ADAMTS6: variants seen among roughly 807,000 people sequenced by gnomAD.
ADAMTS6 encodes the protein A disintegrin and metalloproteinase with thrombospondin motifs 6.
In ADAMTS6, 23 loss-of-function variants were observed where a neutral mutation model predicts 144.3. The ratio of observed to expected loss-of-function variants is 0.16; its 90% CI spans 0.11 to 0.23. ADAMTS6 has a LOEUF of 0.23. Ranked by LOEUF, ADAMTS6 falls within the 10% of genes least tolerant of loss-of-function variation. The pLI is 1.00. For synonymous variants in ADAMTS6, 444 were observed against 457.5 expected, an observed-to-expected ratio of 0.97 and a Z score of 0.38; for missense variants, 999 against 1,379.6, an observed-to-expected ratio of 0.72 and a Z score of 4.37.
At chr5:65,352,092 C>T (rs76368874) in intron 7 of ADAMTS6, among the ~76,000 whole-genome samples, 5,457 of 152,270 alleles carry the variant, frequency 0.036, 164 homozygotes, top group African/African-American at 0.083. Context: ...ATCTGAACAA[C>T]GCTGTTCTAG....
intron 16 of ADAMTS6, among the ~76,000 whole-genome samples, chr5:65,225,284 CA>C (rs1275250152): frequency 6.6e-6 from 1 of 152,164 alleles, no homozygotes; most frequent in African/African-American, 2.4e-5. Context: ...TACATAAACA[CA>C]CACAAATATC....
At chr5:65,467,038 T>TC (rs1760080463) in intron 3 of ADAMTS6, among the ~76,000 whole-genome samples, 1 of 123,430 alleles carries the variant, frequency 8.1e-6, no homozygotes, top group Admixed American at 7.7e-5. Context: ...AGACTCCGTC[T>TC]CAAAAAAAAA....
chr5:65,183,700 C>T (rs190982086), intron 22 of ADAMTS6, among the ~76,000 whole-genome samples: 23 of 152,030 alleles, frequency 1.5e-4, no homozygotes, highest in African/African-American at 5.3e-4. Flanking sequence ...GCCACGGTTA[C>T]GTATGTATAG....
chr5:65,379,805 T>C (rs1238890515), intron 7 of ADAMTS6, among the ~76,000 whole-genome samples: 1 of 152,118 alleles, frequency 6.6e-6, no homozygotes, highest in East Asian at 1.9e-4. Context: ...GAAACAAAAC[T>C]GGGATCACAC....
chr5:65,468,906 C>T (rs1043734980), intron 3 of ADAMTS6, among the ~76,000 whole-genome samples: 9 of 152,184 alleles, frequency 5.9e-5, no homozygotes, highest in Non-Finnish European at 1.0e-4. Context: ...CATTAGATAT[C>T]TTTAACCTTT....
chr5:65,470,160 G>A (rs1259367844), intron 3 of ADAMTS6, among the ~76,000 whole-genome samples: 2 of 152,050 alleles, frequency 1.3e-5, no homozygotes, highest in African/African-American at 4.8e-5. Flanking sequence ...CTAGCCTCAG[G>A]TAATCCTCCC....
intron 7 of ADAMTS6, among the ~76,000 whole-genome samples, chr5:65,352,067 G>A (rs1580466598): frequency 1.3e-5 from 2 of 151,490 alleles, no homozygotes; most frequent in African/African-American, 2.4e-5. Context: ...AAGTAATCTC[G>A]ATGTTCTATG....
chr5:65,449,634 T>C (rs951635760), intron 7 of ADAMTS6, among the ~76,000 whole-genome samples: 26 of 151,488 alleles, frequency 1.7e-4, no homozygotes, highest in Admixed American at 1.4e-3. Flanking sequence ...AATAAATAAA[T>C]AAATAAAATA....
At chr5:65,249,618 G>A (rs1759971940) in intron 14 of ADAMTS6, among the ~76,000 whole-genome samples, 1 of 152,078 alleles carries the variant, frequency 6.6e-6, no homozygotes, top group Admixed American at 6.6e-5. Context: ...TCTGCCTTAT[G>A]CCCCTCAGTT....
chr5:65,265,886 TA>T (rs904726257), intron 12 of ADAMTS6, among the ~76,000 whole-genome samples: 5 of 150,914 alleles, frequency 3.3e-5, no homozygotes, highest in South Asian at 2.1e-4. Context: ...AAATTAGTGG[TA>T]AAAAAAAATC....
intron 7 of ADAMTS6, among the ~76,000 whole-genome samples, chr5:65,420,902 C>T (rs528770965): frequency 4.0e-5 from 6 of 151,860 alleles, no homozygotes; most frequent in African/African-American, 9.7e-5. Context: ...AATCAATAGG[C>T]CATTTAAAGA....
chr5:65,392,430 C>T lies in ADAMTS6; in HGVS notation c.1074-58345G>A, dbSNP rs148430807. On this transcript the variant is annotated intron_variant, in intron 7 of 24. Transcript: ENST00000381055. ...TCTCTATATATTAATACTAGTCAGC[C>T]CTCAGTATTTTACTATAAAGAGGAA... 9.7e-3 allele frequency among the ~76,000 whole-genome samples: 1,474 copies of T among 152,130 alleles called. 9 individuals carry two copies. The highest frequency in any genetic ancestry group is 0.017 in the Middle Eastern group (5 of 294).
At chr5:65,265,201 A>G (rs1403510840) in intron 12 of ADAMTS6, among the ~76,000 whole-genome samples, 1 of 152,088 alleles carries the variant, frequency 6.6e-6, no homozygotes, top group East Asian at 1.9e-4. Context: ...AAGATTATTG[A>G]GTTTTGAGCA....
intron 7 of ADAMTS6, among the ~76,000 whole-genome samples, chr5:65,389,199 A>G (rs6875765): frequency 0.56 from 84,779 of 151,512 alleles, 24,952 homozygotes; most frequent in African/African-American, 0.74. Flanking sequence ...GCGAGACTCC[A>G]TCTCAAAGAA....
At chr5:65,378,283 T>G (rs1580542122) in intron 7 of ADAMTS6, among the ~76,000 whole-genome samples, 2 of 152,326 alleles carry the variant, frequency 1.3e-5, no homozygotes. Context: ...TTCCCTTTCA[T>G]TCTTCTCCCA....
intron 2 of ADAMTS6, among the ~76,000 whole-genome samples, chr5:65,471,636 T>C (rs1310744164): frequency 1.3e-5 from 2 of 152,118 alleles, no homozygotes; most frequent in Admixed American, 6.5e-5. Context: ...CACACGCCTG[T>C]AGTCTCAGCT....
At chr5:65,338,357 C>T (rs561993854) in intron 7 of ADAMTS6, among the ~76,000 whole-genome samples, 38 of 152,258 alleles carry the variant, frequency 2.5e-4, no homozygotes, top group Non-Finnish European at 4.1e-4. Context: ...TGACGTTGGA[C>T]AATTGAGCAA....
rs538874433 is a variant in ADAMTS6 at position 65,336,173 on chromosome 5, T to C, written c.1074-2088A>G. On this transcript the variant is annotated intron_variant, in intron 7 of 24. Coordinates refer to ENST00000381055, the MANE Select transcript of ADAMTS6 (RefSeq NM_197941.4). ...AGTATATATACAGATTGAGTTTATA[T>C]ATAGATATAAATCTGGAAGGATAAC... is the stretch of plus-strand genomic sequence containing the variant. Among the ~76,000 whole-genome samples, 6 of 152,202 alleles carry C rather than the reference T, an allele frequency of 3.9e-5. No homozygotes were observed. In the East Asian group the frequency reaches 1.2e-3, roughly 29 times the overall value.
intron 7 of ADAMTS6, among the ~76,000 whole-genome samples, chr5:65,447,270 C>CA (rs1758344027): frequency 6.6e-6 from 1 of 152,038 alleles, no homozygotes; most frequent in Non-Finnish European, 1.5e-5. Context: ...TTCCTGACTT[C>CA]ATCTGAAAAT....
Sources: allele counts gnomAD v4.1 joint callset (sites outside exome capture counted in the v4.1 genomes callset), GRCh38; gene constraint gnomAD v4.1.1; transcripts MANE v1.5; gene names NCBI Gene and HGNC (gene_info 2026-07-23, HGNC 2026-07-21).